PCDH11X: variants seen among roughly 807,000 people sequenced by gnomAD.
PCDH11X encodes the protein protocadherin 11 X-linked, also known as protocadherin-11 X-linked.
A neutral mutation model predicts 53.3 loss-of-function variants in PCDH11X; 18 were observed. That is an observed-to-expected ratio of 0.34 (90% CI 0.23 to 0.50). PCDH11X has a LOEUF of 0.50. PCDH11X is among the 20% of genes least tolerant of loss of function. PCDH11X has a pLI of 0.98. For missense variants in PCDH11X, 570 were observed against 1,032.4 expected (o/e 0.55, Z 6.14); for synonymous variants, 279 against 393.3 (o/e 0.71, Z 3.44).
chrX:92,204,381 C>T (rs377086133), intron 7 of PCDH11X, among the ~76,000 whole-genome samples: 2 of 112,032 alleles, frequency 1.8e-5, no homozygotes, highest in East Asian at 2.8e-4. Context: ...CACCATAAAT[C>T]ATCTCTCTGA....
intron 6 of PCDH11X, among the ~76,000 whole-genome samples, chrX:91,900,792 C>A (rs1432635520): frequency 1.8e-5 from 2 of 110,381 alleles, no homozygotes; most frequent in African/African-American, 6.6e-5. Flanking sequence ...TACATTTATA[C>A]CAAGTATGTC....
intron 4 of PCDH11X, among the ~76,000 whole-genome samples, chrX:91,830,580 A>G (rs915048506): frequency 1.2e-4 from 13 of 110,440 alleles, no homozygotes; most frequent in Non-Finnish European, 2.3e-4. Flanking sequence ...TTTTATTGCA[A>G]TGTTCTAGAT....
At chrX:91,842,073 A>G (rs1438128967) in intron 5 of PCDH11X, among the ~76,000 whole-genome samples, 2 of 99,423 alleles carry the variant, frequency 2.0e-5, no homozygotes, top group Non-Finnish European at 4.1e-5. Context: ...CAAAAACTAT[A>G]AAGTGCAGAT....
chrX:92,143,071 GT>G (rs2065213932), intron 6 of PCDH11X, among the ~76,000 whole-genome samples: 1 of 111,331 alleles, frequency 9.0e-6, no homozygotes, highest in African/African-American at 3.3e-5. Context: ...TGGCCCAGAA[GT>G]TTGAGACCAG....
chrX:91,875,918 C>A (rs778646216), intron 5 of PCDH11X, among the ~76,000 whole-genome samples: 1 of 109,308 alleles, frequency 9.1e-6, no homozygotes, highest in South Asian at 3.9e-4. Context: ...ATGATGTTGT[C>A]TTGGAGGAAT....
intron 10 of PCDH11X, among the ~76,000 whole-genome samples, chrX:92,593,675 GTTAACAAATGGC>G (rs200828001): frequency 0.026 from 2,936 of 111,576 alleles, 144 homozygotes; most frequent in East Asian, 0.19. Flanking sequence ...TTCTGTGGGT[GTTAACAAATGGC>G]TAAAATTTGA....
chrX:92,145,023 T>A (rs1415533045), intron 6 of PCDH11X, among the ~76,000 whole-genome samples: 1 of 111,581 alleles, frequency 9.0e-6, no homozygotes, highest in Non-Finnish European at 1.9e-5. Flanking sequence ...TCTATTTGGA[T>A]TGCTTTGTCT....
chrX:91,951,982 T>C (rs868405361), intron 6 of PCDH11X, among the ~76,000 whole-genome samples: 1 of 110,152 alleles, frequency 9.1e-6, no homozygotes, highest in Non-Finnish European at 1.9e-5. Context: ...GGTGTGGTAA[T>C]TGGTTCTTCC....
chrX:91,960,157 T>C (rs1214603812), intron 6 of PCDH11X, among the ~76,000 whole-genome samples: 15 of 100,123 alleles, frequency 1.5e-4, no homozygotes, highest in Non-Finnish European at 2.0e-4. Context: ...TCTTGAGTTG[T>C]GTTTCTTATA....
intron 8 of PCDH11X, among the ~76,000 whole-genome samples, chrX:92,301,124 T>C (rs906263245): frequency 2.7e-5 from 3 of 111,280 alleles, no homozygotes; most frequent in African/African-American, 6.5e-5. Flanking sequence ...GCAGTTGGGC[T>C]GGTGCCAGTA....
chrX:92,621,358 G>A lies in PCDH11X; in HGVS notation c.*2418G>A, dbSNP rs1267378757. 2.7e-5 allele frequency: 3 copies of A among 109,760 alleles called. No homozygotes were observed. The highest frequency in any genetic ancestry group is 5.7e-5 in the Non-Finnish European group (3 of 52,727). The allele number at this position is 109,760 out of a possible 1,213,427, so 9.0% of individuals were successfully genotyped here. A position where few individuals can be genotyped will look rare whatever the true frequency, so the allele number is the denominator to read the frequency against. On this transcript the variant is annotated 3_prime_UTR_variant, in exon 11 of 11. Coordinates refer to ENST00000682573, the MANE Select transcript of PCDH11X (RefSeq NM_032968.5). ...ATCCTCATATCTGGAAACTTGTGAC[G>A]TTTTGACACCTTTCCTATAGATGAT...
chrX:91,903,656 CGTGTGTGTGTGTGT>C (rs61017416), intron 6 of PCDH11X, among the ~76,000 whole-genome samples: 9 of 93,949 alleles, frequency 9.6e-5, no homozygotes, highest in South Asian at 5.5e-4. Flanking sequence ...CCTCTATGTG[CGTGTGTGTGTGTGT>C]GTGTGTGTGT....
intron 7 of PCDH11X, among the ~76,000 whole-genome samples, chrX:92,239,307 T>A (rs2067223340): frequency 9.0e-6 from 1 of 111,611 alleles, no homozygotes; most frequent in Admixed American, 9.6e-5. Context: ...TATAGATTGC[T>A]GTTTTGGAGT....
intron 6 of PCDH11X, among the ~76,000 whole-genome samples, chrX:92,069,957 A>T (rs1470104088): frequency 1.8e-5 from 2 of 111,331 alleles, no homozygotes; most frequent in Non-Finnish European, 3.8e-5. Flanking sequence ...GCTAGCCAGG[A>T]TTACAGTCTT....
Position 92,232,499 on chromosome X carries a change from T to C in PCDH11X, c.3115-30615T>C, listed in dbSNP as rs189458476. ...CTAAAGTTTGCTAGAAATATAAATA[T>C]CTTATGAATGACCAACTAACAGGGC... On this transcript the variant is annotated intron_variant, in intron 7 of 10. Transcript: ENST00000682573. Among the ~76,000 whole-genome samples the C allele has an allele frequency of 6.3e-5, 7 of 111,601 alleles. No homozygotes were observed. The East Asian group carries it at 2.0e-3, about 31-fold the overall frequency.
intron 9 of PCDH11X, 77 bp downstream of exon 9, chrX:92,388,010 A>C: frequency 8.4e-7 from 1 of 1,186,377 alleles, no homozygotes; most frequent in Non-Finnish European, 1.1e-6. Flanking sequence ...AGCCATAATA[A>C]CATGGGCTAA....
rs139620605 is a variant in PCDH11X, at chrX:92,259,292, G to A, written c.3115-3822G>A. ...TCTTGCATTGCTATAAATAAATATC[G>A]GAGACTGGGTGATTTATAAAGAAAA... On this transcript the variant is annotated intron_variant, in intron 7 of 10. Coordinates refer to ENST00000682573, the MANE Select transcript of PCDH11X (RefSeq NM_032968.5). Among the ~76,000 whole-genome samples the A allele has an allele frequency of 1.7e-3, 193 of 110,542 alleles. 1 individual carries two copies. The highest frequency in any genetic ancestry group is 9.2e-3 in the Middle Eastern group (2 of 218).
intron 7 of PCDH11X, among the ~76,000 whole-genome samples, chrX:92,231,639 T>G (rs986066218): frequency 1.8e-5 from 2 of 111,753 alleles, no homozygotes; most frequent in Admixed American, 1.9e-4. Flanking sequence ...TGAGTAGAGA[T>G]GCAATGGTAT....
chrX:92,467,560 C>T (rs1341304927), intron 9 of PCDH11X, among the ~76,000 whole-genome samples: 3 of 111,024 alleles, frequency 2.7e-5, no homozygotes, highest in Non-Finnish European at 5.7e-5. Flanking sequence ...TGTTTATAAA[C>T]ATACAATTAT....
Sources: gnomAD v4.1 joint callset for allele counts (sites outside exome capture counted in the v4.1 genomes callset) on GRCh38, gnomAD v4.1.1 for gene constraint, MANE v1.5 for transcripts, NCBI Gene and HGNC (gene_info 2026-07-23, HGNC 2026-07-21) for gene names.